Variants in TRAPPC9 observed in about 807,000 individuals in gnomAD.
TRAPPC9 encodes IKK2 binding protein.
TRAPPC9 carries 83 observed loss-of-function variants against 124.0 expected under a neutral mutation model. The observed-to-expected ratio is 0.67, with a 90% CI of 0.56 to 0.80. TRAPPC9 has a LOEUF of 0.80. Among genes scored for constraint, TRAPPC9 ranks in the 30% least tolerant of loss-of-function variants. TRAPPC9 has a pLI of 0.00. For synonymous variants in TRAPPC9, 638 were observed against 617.5 expected, an observed-to-expected ratio of 1.03 and a Z score of -0.49; for missense variants, 1,302 against 1,508.3, an observed-to-expected ratio of 0.86 and a Z score of 2.27.
At chr8:139,857,079 A>G (rs1184142846) in intron 21 of TRAPPC9, among the ~76,000 whole-genome samples, 4 of 56,040 alleles carry the variant, frequency 7.1e-5, no homozygotes, top group African/African-American at 6.1e-4. Flanking sequence ...GAGGTGAAAG[A>G]GCAGAAAGGT....
intron 6 of TRAPPC9, among the ~76,000 whole-genome samples, chr8:140,399,743 C>A (rs1278404521): frequency 6.6e-6 from 1 of 152,102 alleles, no homozygotes; most frequent in East Asian, 1.9e-4. Context: ...TGAGTCACTG[C>A]TGAAATGAGT....
intron 1 of TRAPPC9, among the ~76,000 whole-genome samples, chr8:140,457,417 C>G (rs990857013): frequency 6.6e-6 from 1 of 152,202 alleles, no homozygotes; most frequent in Non-Finnish European, 1.5e-5. Flanking sequence ...CGGCCTTGGA[C>G]AGATGTAAGC....
chr8:140,080,741 C>T (rs1843768654), intron 17 of TRAPPC9, among the ~76,000 whole-genome samples: 1 of 152,168 alleles, frequency 6.6e-6, no homozygotes. Context: ...GGAAACAAAC[C>T]ACATCCAAAC....
intron 21 of TRAPPC9, among the ~76,000 whole-genome samples, chr8:139,740,774 G>A (rs1421696207): frequency 1.3e-5 from 2 of 152,228 alleles, no homozygotes; most frequent in Non-Finnish European, 1.5e-5. Flanking sequence ...CCATCCTGGG[G>A]CAGACCCGTC....
chr8:139,783,112 T>C (rs1821951184), intron 21 of TRAPPC9, among the ~76,000 whole-genome samples: 1 of 152,174 alleles, frequency 6.6e-6, no homozygotes, highest in Admixed American at 6.5e-5. Flanking sequence ...TATGATTTCG[T>C]CTTCCACTTT....
At chr8:139,864,963 C>T (rs571007155) in intron 21 of TRAPPC9, among the ~76,000 whole-genome samples, 29 of 152,304 alleles carry the variant, frequency 1.9e-4, no homozygotes, top group Admixed American at 1.6e-3. Flanking sequence ...GAACATTGCC[C>T]GGAAGCTCAC....
chr8:140,291,085 AAT>A lies in TRAPPC9; in HGVS notation c.1769-9_1769-8del, dbSNP rs754848229. 1 of 1,612,632 alleles carries A rather than the reference AAT, an allele frequency of 6.2e-7. No individual in the cohort carries two copies. Among genetic ancestry groups the A allele is most frequent in the South Asian group, 1.1e-5 (1 of 91,048 alleles). ...CCTTGAACCCACTGGAAATCTAGAA[AAT>A]ACACACACATAAATGAATCCATGTA... On this transcript the variant is annotated splice_region_variant and splice_polypyrimidine_tract_variant and intron_variant, in intron 11 of 22. Coordinates refer to ENST00000438773, the MANE Select transcript of TRAPPC9 (RefSeq NM_001160372.4).
At chr8:139,950,631 G>A (rs1834576058) in intron 19 of TRAPPC9, among the ~76,000 whole-genome samples, 1 of 152,148 alleles carries the variant, frequency 6.6e-6, no homozygotes, top group Admixed American at 6.5e-5. Context: ...TCCAAGAACT[G>A]GTGATAAAAG....
intron 17 of TRAPPC9, among the ~76,000 whole-genome samples, chr8:140,212,779 T>C (rs1215588200): frequency 6.6e-6 from 1 of 152,172 alleles, no homozygotes; most frequent in African/African-American, 2.4e-5. Flanking sequence ...TTCTTTTGTC[T>C]TTTTTAAGAA....
chr8:139,971,514 G>C (rs1455190990), intron 19 of TRAPPC9, among the ~76,000 whole-genome samples: 2 of 152,082 alleles, frequency 1.3e-5, no homozygotes, highest in African/African-American at 4.8e-5. Context: ...TGGAGGATGA[G>C]CCCCTCCTCA....
rs147136308 is a variant in TRAPPC9 at position 139,916,152 on chromosome 8, C to A, written c.2811-5852G>T. Among the ~76,000 whole-genome samples the A allele has an allele frequency of 2.7e-3, 408 of 152,280 alleles. 4 individuals are homozygous for A. The highest frequency in any genetic ancestry group is 0.011 in the South Asian group (52 of 4,824). On this transcript the variant is annotated intron_variant, in intron 19 of 22. Transcript: ENST00000438773. ...GGGAGGCTTGTCCCACTACATAAACCCCTCAAGACACTGTCCTCCTGGAAT... is the reference window on the plus strand; with the variant it reads ...GGGAGGCTTGTCCCACTACATAAACACCTCAAGACACTGTCCTCCTGGAAT...
At chr8:140,316,610 A>G (rs973186575) in intron 9 of TRAPPC9, among the ~76,000 whole-genome samples, 17 of 152,198 alleles carry the variant, frequency 1.1e-4, no homozygotes, top group African/African-American at 4.1e-4. Context: ...ATCATGGTGG[A>G]AGATCTTTCA....
At chr8:140,092,999 A>G (rs1844672239) in intron 17 of TRAPPC9, among the ~76,000 whole-genome samples, 2 of 151,926 alleles carry the variant, frequency 1.3e-5, no homozygotes, top group South Asian at 2.1e-4. Context: ...TAAAGTACTT[A>G]GCACATGGCC....
chr8:139,837,376 G>C (rs934325757), intron 21 of TRAPPC9, among the ~76,000 whole-genome samples: 35 of 152,154 alleles, frequency 2.3e-4, no homozygotes, highest in African/African-American at 8.4e-4. Context: ...AGCCCCCAAC[G>C]GCACTTCAAA....
rs146288814 is a variant in TRAPPC9, at chr8:140,136,798, G to A, written c.2556+84661C>T. Among the ~76,000 whole-genome samples, 16 of 152,220 alleles carry A rather than the reference G, an allele frequency of 1.1e-4. No individual in the cohort carries two copies. In the East Asian group the frequency reaches 2.9e-3, roughly 28 times the overall value. On this transcript the variant is annotated intron_variant, in intron 17 of 22. Coordinates refer to ENST00000438773, the MANE Select transcript of TRAPPC9 (RefSeq NM_001160372.4). ...AGTTGCCTAGGCTGATGGGACAGTG[G>A]GAGATCCAGGCTGTGCCACACCCTG...
chr8:140,269,449 G>A (rs1202796934), intron 15 of TRAPPC9, among the ~76,000 whole-genome samples: 1 of 152,016 alleles, frequency 6.6e-6, no homozygotes, highest in Non-Finnish European at 1.5e-5. Flanking sequence ...GCTGAGGCAG[G>A]AGAATGGCGT....
Position 139,825,828 on chromosome 8 carries a change from C to T in TRAPPC9, c.3055+60051G>A, listed in dbSNP as rs992512645. Among the ~76,000 whole-genome samples the T allele has an allele frequency of 7.2e-5, 11 of 152,180 alleles. No homozygotes were observed. Among genetic ancestry groups the T allele is most frequent in the South Asian group, 2.1e-4 (1 of 4,796 alleles). ...GACGATGGCCGGAGCTGAGTGTCAA[C>T]GCCCAAGGATTTCCAGGGCTTCCTC... On this transcript the variant is annotated intron_variant, in intron 21 of 22. Transcript: ENST00000438773. This position sits in a 1 kb window ranked among gnomAD's most constrained non-coding sequence, Gnocchi z 4.6.
At chr8:140,380,991 G>A (rs1403847901) in intron 7 of TRAPPC9, among the ~76,000 whole-genome samples, 1 of 151,978 alleles carries the variant, frequency 6.6e-6, no homozygotes, top group East Asian at 1.9e-4. Context: ...GATCACTTGA[G>A]GCGAGGAGTT....
chr8:140,446,203 A>G (rs1020351457), intron 2 of TRAPPC9, among the ~76,000 whole-genome samples: 2 of 146,544 alleles, frequency 1.4e-5, no homozygotes, highest in Non-Finnish European at 3.0e-5. Flanking sequence ...CTGAAGCAGG[A>G]GAATTGCTTC....
Sources: gnomAD v4.1 joint callset for allele counts (sites outside exome capture counted in the v4.1 genomes callset) on GRCh38, gnomAD v4.1.1 for gene constraint, Gnocchi (gnomAD v3.1) non-coding constraint, MANE v1.5 for transcripts, NCBI Gene and HGNC (gene_info 2026-07-23, HGNC 2026-07-21) for gene names.